UBA6: variants seen among roughly 807,000 people sequenced by gnomAD.
The protein encoded by UBA6 is ubiquitin-like modifier-activating enzyme 6.
UBA6 carries 87 observed loss-of-function variants against 148.3 expected under a neutral mutation model. The observed-to-expected ratio is 0.59, with a 90% confidence interval of 0.49 to 0.70. The LOEUF (loss-of-function observed/expected upper bound fraction) is 0.70. Among genes scored for constraint, UBA6 ranks in the 30% least tolerant of loss-of-function variants. The probability of loss-of-function intolerance (pLI) is 0.00; values close to 1 mark genes in which losing one functional copy is unlikely to be tolerated. For missense variants in UBA6, 1,186 were observed against 1,241.2 expected (o/e 0.96, Z 0.67); for synonymous variants, 376 against 401.0 (o/e 0.94, Z 0.75).
chr4:67,640,579 G>C (rs1220896353), intron 18 of UBA6, among the ~76,000 whole-genome samples: 1 of 152,166 alleles, frequency 6.6e-6, no homozygotes, highest in Admixed American at 6.5e-5. Context: ...CTCCCAAAGT[G>C]CTGGGATTAT....
chr4:67,686,719 A>G (rs1730573235), intron 2 of UBA6, among the ~76,000 whole-genome samples: 1 of 151,900 alleles, frequency 6.6e-6, no homozygotes, highest in Non-Finnish European at 1.5e-5. Context: ...TGGGAGGCTG[A>G]AGCGGGAGGA....
In UBA6 at chr4:67,645,978, T is replaced by C. The variant is rs1180505484; in HGVS notation, c.1355A>G (p.Asp452Gly). ...RYDALRACIG[D>G]TLCQKLQNLN... ...ATTTTGCAGTTTCTGACACAAAGTGTCTCCAATGCAAGCTCTTAAGGCATC... is the reference window on the plus strand; with the variant it reads ...ATTTTGCAGTTTCTGACACAAAGTGCCTCCAATGCAAGCTCTTAAGGCATC... Residue 452 changes from aspartate (D) to glycine (G), a missense_variant, in exon 16 of 33, where the codon GAC (aspartate) becomes GGC (glycine). Asp to Gly is a moderately conservative substitution (Grantham distance 94, BLOSUM62 -1). Transcript: ENST00000322244. The C allele has an allele frequency of 1.3e-6, 2 of 1,598,508 alleles. No individual in the cohort carries two copies. The highest frequency in any genetic ancestry group is 1.7e-6 in the Non-Finnish European group (2 of 1,171,490).
intron 30 of UBA6, 44 bp downstream of exon 30, chr4:67,624,082 T>C: frequency 6.9e-7 from 1 of 1,439,414 alleles, no homozygotes; most frequent in Non-Finnish European, 9.2e-7. Flanking sequence ...TAAAATATTT[T>C]ATTTCATTCT....
intron 6 of UBA6, among the ~76,000 whole-genome samples, chr4:67,677,136 C>T (rs1414742936): frequency 6.6e-6 from 1 of 152,102 alleles, no homozygotes; most frequent in African/African-American, 2.4e-5. Context: ...TGTTAATGGA[C>T]ACAACAAAAA....
chr4:67,677,731 A>C lies in UBA6; in HGVS notation c.354-9T>G. The C allele has an allele frequency of 6.8e-7, 1 of 1,468,106 alleles. No individual in the cohort carries two copies. Among genetic ancestry groups the C allele is most frequent in the Non-Finnish European group, 9.4e-7 (1 of 1,064,256 alleles). 90.9% of individuals were successfully genotyped at this position (1,468,106 alleles called of 1,614,324 possible). On this transcript the variant is annotated splice_polypyrimidine_tract_variant and intron_variant, in intron 5 of 32. Transcript: ENST00000322244. ...TAAGTACAGCTTCAGCCCTAAAAAAATAAAATAAATTTTTACTGTTCTTTA... is the reference window on the plus strand; with the variant it reads ...TAAGTACAGCTTCAGCCCTAAAAAACTAAAATAAATTTTTACTGTTCTTTA...
chr4:67,695,560 CA>C (rs60545987), intron 2 of UBA6, among the ~76,000 whole-genome samples: 34,841 of 151,798 alleles, frequency 0.23, 4,147 homozygotes, highest in Middle Eastern at 0.3. Context: ...CCACTCCTAT[CA>C]AAAAAATGTA....
At chr4:67,620,884 T>C (rs1728735542) in intron 32 of UBA6, among the ~76,000 whole-genome samples, 1 of 152,158 alleles carries the variant, frequency 6.6e-6, no homozygotes, top group African/African-American at 2.4e-5. Flanking sequence ...TGAGCAAGAA[T>C]GTGAACCCAG....
chr4:67,658,438 T>C (rs778493014), intron 13 of UBA6, among the ~76,000 whole-genome samples: 1 of 152,130 alleles, frequency 6.6e-6, no homozygotes, highest in Non-Finnish European at 1.5e-5. Context: ...GTAGTACATC[T>C]ACACAATGAA....
At chr4:67,680,774 T>C (rs975295585) in intron 4 of UBA6, among the ~76,000 whole-genome samples, 9 of 152,314 alleles carry the variant, frequency 5.9e-5, no homozygotes, top group Non-Finnish European at 1.0e-4. Flanking sequence ...TAACACACTC[T>C]CTTCTCCTGT....
At chr4:67,634,347 A>G in intron 21 of UBA6, 25 bp from the exon 22 acceptor site, 1 of 1,565,840 alleles carries the variant, frequency 6.4e-7, no homozygotes, top group Non-Finnish European at 8.6e-7. Context: ...AGAAAAAAAA[A>G]ATTACAAATA....
chr4:67,690,893 C>T (rs1577841906), intron 2 of UBA6, among the ~76,000 whole-genome samples: 1 of 152,152 alleles, frequency 6.6e-6, no homozygotes, highest in Non-Finnish European at 1.5e-5. Context: ...TATGAAGCTT[C>T]CTCAAAAATT....
chr4:67,634,667 A>C (rs1401083523), intron 20 of UBA6, 149 bp from the exon 21 acceptor site: 2 of 524,936 alleles, frequency 3.8e-6, no homozygotes, highest in Non-Finnish European at 6.5e-6. Context: ...TCTCTTAGGC[A>C]ATAAGAGAAG....
chr4:67,626,039 C>T (rs1198700169), intron 28 of UBA6, among the ~76,000 whole-genome samples: 1 of 151,838 alleles, frequency 6.6e-6, no homozygotes, highest in African/African-American at 2.4e-5. Context: ...ATTTTTAATT[C>T]CTTAAAAACA....
intron 26 of UBA6, 112 bp downstream of exon 26, chr4:67,630,354 C>T: frequency 1.3e-6 from 1 of 769,120 alleles, no homozygotes; most frequent in Non-Finnish European, 2.1e-6. Flanking sequence ...AATTCTGTAT[C>T]AAAAAGAGTG....
At chr4:67,698,011 C>A (rs1239377538) in intron 1 of UBA6, among the ~76,000 whole-genome samples, 1 of 152,206 alleles carries the variant, frequency 6.6e-6, no homozygotes, top group African/African-American at 2.4e-5. Context: ...TCCCACCAGT[C>A]TCCGTTTTCG....
chr4:67,691,793 T>C (rs1390264241), intron 2 of UBA6, among the ~76,000 whole-genome samples: 1 of 149,904 alleles, frequency 6.7e-6, no homozygotes, highest in Non-Finnish European at 1.5e-5. Flanking sequence ...GGAAGGACCA[T>C]TGTAAAAAAA....
chr4:67,674,097 T>C (rs1462676919), intron 6 of UBA6, among the ~76,000 whole-genome samples: 1 of 152,262 alleles, frequency 6.6e-6, no homozygotes. Flanking sequence ...CATCTATTAC[T>C]ATCACACAAA....
intron 2 of UBA6, 116 bp from the exon 3 acceptor site, chr4:67,682,329 G>C: frequency 4.3e-6 from 3 of 704,624 alleles, no homozygotes; most frequent in South Asian, 1.8e-5. Context: ...GACTTGTTAT[G>C]AATGATTTGC....
chr4:67,678,056 A>AAT (rs540423798), intron 5 of UBA6, among the ~76,000 whole-genome samples: 11 of 145,980 alleles, frequency 7.5e-5, no homozygotes, highest in East Asian at 3.9e-4. Context: ...GTAGCAGTGT[A>AAT]ATATATATAT....
Sources: allele counts gnomAD v4.1 joint callset (sites outside exome capture counted in the v4.1 genomes callset), GRCh38; gene constraint gnomAD v4.1.1; transcripts MANE v1.5; gene names NCBI Gene and HGNC (gene_info 2026-07-23, HGNC 2026-07-21).